Variants in CDKN2B-AS1 observed in about 807,000 individuals in gnomAD.
CDKN2B-AS1 encodes the protein CDKN2B and CDKN2A antisense cis and trans regulatory RNA 1, also known as CDKN2B antisense RNA 1 (non-protein coding).
intron 4 of CDKN2B-AS1, among the ~76,000 whole-genome samples, chr9:22,106,453 G>T (rs190263943): frequency 1.3e-5 from 2 of 152,274 alleles, no homozygotes; most frequent in Admixed American, 6.5e-5. Context: ...CTGACCTCAG[G>T]TGATCTGCCC....
intron 1 of CDKN2B-AS1, among the ~76,000 whole-genome samples, chr9:22,025,854 A>T (rs538709834): frequency 1.2e-3 from 187 of 152,156 alleles, no homozygotes; most frequent in Admixed American, 2.4e-3. Context: ...TTCATAGAGG[A>T]GTTGTGCCAT....
chr9:22,072,206 A>C (rs529649533), intron 4 of CDKN2B-AS1, among the ~76,000 whole-genome samples: 26 of 152,322 alleles, frequency 1.7e-4, no homozygotes, highest in African/African-American at 6.0e-4. Context: ...AAAATTTGCT[A>C]GCAATTTTCT....
chr9:22,055,102 C>T (rs1336736816), intron 3 of CDKN2B-AS1, among the ~76,000 whole-genome samples: 1 of 152,130 alleles, frequency 6.6e-6, no homozygotes, highest in African/African-American at 2.4e-5. Context: ...TATCAGATGC[C>T]TCTGCCACTT....
chr9:22,005,612 A>C lies in CDKN2B-AS1; in HGVS notation n.29+10451A>C. 2.3e-6 allele frequency: 1 copy of C among 438,822 alleles called. No homozygotes were observed. Among genetic ancestry groups the C allele is most frequent in the Non-Finnish European group, 4.2e-6 (1 of 236,130 alleles). The allele number at this position is 438,822 out of a possible 1,614,324, so 27.2% of individuals were successfully genotyped here. ...TGCTAATCACTGCCTTCTCCCACTC[A>C]GCGCTGGAGTGGGAGATTCATCCAT... is the stretch of plus-strand genomic sequence containing the variant. On this transcript the variant is annotated intron_variant and non_coding_transcript_variant, in intron 1 of 4. Coordinates refer to ENST00000650946, the Ensembl canonical transcript of CDKN2B-AS1. This position sits in a 1 kb window ranked among gnomAD's most constrained non-coding sequence, Gnocchi z 4.9.
chr9:22,042,303 G>T (rs1192675251), intron 1 of CDKN2B-AS1, among the ~76,000 whole-genome samples: 2 of 152,052 alleles, frequency 1.3e-5, no homozygotes, highest in African/African-American at 4.8e-5. Context: ...CTGGACACTA[G>T]AAATATAATA....
At chr9:22,109,937 C>A (rs184313823) in intron 4 of CDKN2B-AS1, among the ~76,000 whole-genome samples, 1 of 152,240 alleles carries the variant, frequency 6.6e-6, no homozygotes, top group Non-Finnish European at 1.5e-5. Context: ...ACAATAGGAT[C>A]CTTTCTGCAG....
At chr9:22,049,130 G>C (rs556027805) in exon 3 of CDKN2B-AS1, 14 of 152,276 alleles carry the variant, frequency 9.2e-5, no homozygotes, top group Admixed American at 3.3e-4. Flanking sequence ...TGTTAGGTGT[G>C]CTGGAATCCT....
At chr9:22,092,874 T>A (rs894046243) in intron 4 of CDKN2B-AS1, among the ~76,000 whole-genome samples, 2 of 152,160 alleles carry the variant, frequency 1.3e-5, no homozygotes, top group Admixed American at 1.3e-4. Context: ...AGCTTTTGAA[T>A]CTGTTTGCTC....
At chr9:22,116,051 T>C (rs1446119087) in intron 4 of CDKN2B-AS1, among the ~76,000 whole-genome samples, 1 of 152,202 alleles carries the variant, frequency 6.6e-6, no homozygotes, top group Admixed American at 6.5e-5. Flanking sequence ...GAGTGTATGC[T>C]CAACATTCTC....
chr9:22,021,393 G>T (rs1020137040), intron 1 of CDKN2B-AS1, among the ~76,000 whole-genome samples: 11 of 152,030 alleles, frequency 7.2e-5, no homozygotes, highest in Admixed American at 7.2e-4. Context: ...CTTAGGATTG[G>T]TTTGGAAAAT....
At chr9:22,110,260 A>T (rs375285660) in intron 4 of CDKN2B-AS1, among the ~76,000 whole-genome samples, 1 of 152,176 alleles carries the variant, frequency 6.6e-6, no homozygotes, top group African/African-American at 2.4e-5. Context: ...ATTTGTCAGT[A>T]TGAACATCCA....
At chr9:22,053,911 A>T (rs1289643883) in intron 3 of CDKN2B-AS1, among the ~76,000 whole-genome samples, 1 of 151,760 alleles carries the variant, frequency 6.6e-6, no homozygotes, top group East Asian at 1.9e-4. Context: ...AGAAAAAGAG[A>T]TGGTTTAGCA....
At chr9:22,065,959 G>A (rs916663984) in intron 4 of CDKN2B-AS1, among the ~76,000 whole-genome samples, 1 of 152,148 alleles carries the variant, frequency 6.6e-6, no homozygotes, top group African/African-American at 2.4e-5. Context: ...TAGAAACTCT[G>A]TCTCATGAGC....
intron 4 of CDKN2B-AS1, among the ~76,000 whole-genome samples, chr9:22,059,813 A>G (rs112502052): frequency 6.6e-6 from 1 of 152,222 alleles, no homozygotes; most frequent in Non-Finnish European, 1.5e-5. Flanking sequence ...CCAAACCTCA[A>G]TTCTTGACTT....
At chr9:22,080,367 A>T (rs1028338910) in intron 4 of CDKN2B-AS1, among the ~76,000 whole-genome samples, 27 of 152,220 alleles carry the variant, frequency 1.8e-4, no homozygotes, top group African/African-American at 5.8e-4. Flanking sequence ...CGTGTTCACT[A>T]TGATCAAGCT....
intron 1 of CDKN2B-AS1, among the ~76,000 whole-genome samples, chr9:22,008,230 T>C (rs1477054861): frequency 2.0e-5 from 3 of 152,174 alleles, no homozygotes; most frequent in Non-Finnish European, 4.4e-5. Flanking sequence ...GAGAAACCTA[T>C]AGAACTATAT....
chr9:22,089,636 GA>G (rs750060004), intron 4 of CDKN2B-AS1, among the ~76,000 whole-genome samples: 3 of 151,702 alleles, frequency 2.0e-5, no homozygotes, highest in Non-Finnish European at 4.4e-5. Context: ...ATTTTGTAGG[GA>G]CAAGTTTTCT....
chr9:22,039,303 G>T lies in CDKN2B-AS1; in HGVS notation n.30-7448G>T. Among the ~76,000 whole-genome samples, 1 of 151,894 alleles carries T rather than the reference G, an allele frequency of 6.6e-6. No individual in the cohort carries two copies. The highest frequency in any genetic ancestry group is 1.9e-4 in the East Asian group (1 of 5,168). On this transcript the variant is annotated intron_variant and non_coding_transcript_variant, in intron 1 of 4. Coordinates refer to ENST00000650946, the Ensembl canonical transcript of CDKN2B-AS1. This position sits in a 1 kb window ranked among gnomAD's most constrained non-coding sequence, Gnocchi z 4.4. Reference sequence around the variant, plus strand: ...TGTGAGCTTCCCATGTTCTCTCCCTGCAAGGACCACCTCAAATCCCTCAGT... The same window carrying T: ...TGTGAGCTTCCCATGTTCTCTCCCTTCAAGGACCACCTCAAATCCCTCAGT...
intron 4 of CDKN2B-AS1, among the ~76,000 whole-genome samples, chr9:22,101,583 G>C (rs1216968415): frequency 2.0e-5 from 3 of 151,576 alleles, no homozygotes; most frequent in Non-Finnish European, 4.4e-5. Flanking sequence ...TTGATTTTCA[G>C]CTTTCTCTGG....
Sources: allele counts gnomAD v4.1 joint callset (sites outside exome capture counted in the v4.1 genomes callset), GRCh38; gene constraint gnomAD v4.1.1; non-coding constraint Gnocchi (gnomAD v3.1); transcripts MANE v1.5; gene names NCBI Gene and HGNC (gene_info 2026-07-23, HGNC 2026-07-21).